DIP2C: variants seen among roughly 807,000 people sequenced by gnomAD.
DIP2C encodes disco-interacting protein 2 homolog C.
In DIP2C, 33 loss-of-function variants were observed where a neutral mutation model predicts 192.4. The ratio of observed to expected loss-of-function variants is 0.17; its 90% CI spans 0.13 to 0.23. The LOEUF (loss-of-function observed/expected upper bound fraction) is 0.23, where lower values mean the gene tolerates loss of function less well. Ranked by LOEUF, DIP2C falls within the 10% of genes least tolerant of loss-of-function variation. The pLI is 1.00. For synonymous variants in DIP2C, 979 were observed against 864.1 expected, an observed-to-expected ratio of 1.13 and a Z score of -2.33; for missense variants, 1,537 against 2,110.1, an observed-to-expected ratio of 0.73 and a Z score of 5.32.
intron 1 of DIP2C, among the ~76,000 whole-genome samples, chr10:574,514 C>A (rs1490190268): frequency 2.0e-5 from 3 of 152,002 alleles, no homozygotes; most frequent in African/African-American, 7.3e-5. Flanking sequence ...TAAATGGAAA[C>A]AGGGTACATG....
rs1460477712 is a variant in DIP2C at position 689,161 on chromosome 10, G to A, written c.85+333C>T. 2.0e-5 allele frequency among the ~76,000 whole-genome samples: 3 copies of A among 151,534 alleles called. No homozygotes were observed. Among genetic ancestry groups the A allele is most frequent in the Admixed American group, 6.6e-5 (1 of 15,234 alleles). On this transcript the variant is annotated intron_variant, in intron 1 of 36. Transcript: ENST00000280886. This position sits in a 1 kb window ranked among gnomAD's most constrained non-coding sequence, Gnocchi z 6.1. ...CCACAGACACCCCCAGGGCGCGGGG[G>A]GATCGCGGCCCCACAAACATCCCAG...
At chr10:669,030 T>C (rs1323210460) in intron 1 of DIP2C, 2 of 151,996 alleles carry the variant, frequency 1.3e-5, no homozygotes, top group African/African-American at 2.4e-5. Context: ...TTACTTTACA[T>C]GTAACCGCGG....
At chr10:443,446 G>C (rs1967907834) in intron 3 of DIP2C, among the ~76,000 whole-genome samples, 1 of 152,180 alleles carries the variant, frequency 6.6e-6, no homozygotes, top group Non-Finnish European at 1.5e-5. Context: ...CTTGGACCAG[G>C]GCTCCTGCTA....
At chr10:362,364 AACC>A (rs1387695824) in intron 22 of DIP2C, 123 bp downstream of exon 22, 42 of 1,106,498 alleles carry the variant, frequency 3.8e-5, no homozygotes, top group Non-Finnish European at 1.0e-5. Context: ...TTCTTGGGGT[AACC>A]ACTTCTTTCC....
chr10:378,578 T>C (rs745781603), intron 17 of DIP2C, among the ~76,000 whole-genome samples: 3 of 105,772 alleles, frequency 2.8e-5, no homozygotes, highest in Admixed American at 9.6e-5. Context: ...CATGCAGACA[T>C]GTGAACGCAG....
At chr10:414,133 G>A (rs761763621) in intron 7 of DIP2C, 23 bp from the exon 8 acceptor site, 10 of 1,596,364 alleles carry the variant, frequency 6.3e-6, no homozygotes, top group African/African-American at 4.0e-5. Context: ...AATACAAGAG[G>A]TTACAAGAGA....
At chr10:324,897 T>A (rs1479771086) in intron 31 of DIP2C, 2 of 529,730 alleles carry the variant, frequency 3.8e-6, no homozygotes, top group African/African-American at 1.9e-5. Flanking sequence ...TTTTCTTTCA[T>A]CTCCATGTTT....
intron 1 of DIP2C, among the ~76,000 whole-genome samples, chr10:568,543 G>A (rs561711616): frequency 2.4e-4 from 36 of 152,016 alleles, no homozygotes; most frequent in African/African-American, 6.5e-4. Flanking sequence ...CGAGACGGGC[G>A]GATCATGAGG....
Position 304,899 on chromosome 10 carries a change from G to C in DIP2C, c.3986+5132C>G, listed in dbSNP as rs528285676. ...AACACACACATGCACACTCATACTT[G>C]CATGTACTCGTGTGCACAAATATCT... On this transcript the variant is annotated intron_variant, in intron 32 of 36. Coordinates refer to ENST00000280886, the MANE Select transcript of DIP2C (RefSeq NM_014974.3). Among the ~76,000 whole-genome samples the C allele has an allele frequency of 1.6e-3, 250 of 151,978 alleles. 1 individual carries two copies. Among genetic ancestry groups the C allele is most frequent in the African/African-American group, 5.6e-3 (233 of 41,432 alleles).
At chr10:461,281 G>A (rs139966729) in intron 3 of DIP2C, among the ~76,000 whole-genome samples, 2,442 of 152,288 alleles carry the variant, frequency 0.016, 73 homozygotes, top group African/African-American at 0.056. Flanking sequence ...AAGACCCGTT[G>A]GTGTGCTGTA....
intron 17 of DIP2C, among the ~76,000 whole-genome samples, chr10:370,898 G>A (rs1018980979): frequency 4.6e-5 from 7 of 152,126 alleles, no homozygotes; most frequent in Non-Finnish European, 8.8e-5. Context: ...GAAGTAACTG[G>A]TGTATTGAAA....
At chr10:549,914 T>C (rs1259281941) in intron 1 of DIP2C, among the ~76,000 whole-genome samples, 1 of 151,886 alleles carries the variant, frequency 6.6e-6, no homozygotes, top group Non-Finnish European at 1.5e-5. Flanking sequence ...GAAGGGAGAC[T>C]GTGTCTCCAG....
intron 1 of DIP2C, among the ~76,000 whole-genome samples, chr10:519,097 T>G (rs542987935): frequency 2.7e-4 from 41 of 152,284 alleles, no homozygotes; most frequent in African/African-American, 9.9e-4. Flanking sequence ...CCCAAGGGCT[T>G]CCGATCCAGC....
intron 1 of DIP2C, among the ~76,000 whole-genome samples, chr10:586,756 G>A (rs967847988): frequency 5.9e-5 from 9 of 152,344 alleles, no homozygotes; most frequent in African/African-American, 1.9e-4. Flanking sequence ...CAGGTCCAGG[G>A]AACGTTCTGG....
chr10:664,579 T>C (rs1856972739), intron 1 of DIP2C: 1 of 152,234 alleles, frequency 6.6e-6, no homozygotes, highest in East Asian at 1.9e-4. Flanking sequence ...TATTGATCAT[T>C]GTTATATGTC....
At chr10:669,767 A>G (rs1857328509) in intron 1 of DIP2C, among the ~76,000 whole-genome samples, 1 of 152,230 alleles carries the variant, frequency 6.6e-6, no homozygotes, top group Non-Finnish European at 1.5e-5. Flanking sequence ...TAAATATGCA[A>G]AAGTGATCTG....
At chr10:629,206 G>A (rs1051297877) in intron 1 of DIP2C, among the ~76,000 whole-genome samples, 14 of 152,160 alleles carry the variant, frequency 9.2e-5, no homozygotes, top group African/African-American at 9.7e-5. Context: ...ACAGGGCTAC[G>A]GTAGCTACCT....
chr10:546,527 A>G (rs1390581531), intron 1 of DIP2C, among the ~76,000 whole-genome samples: 1 of 152,180 alleles, frequency 6.6e-6, no homozygotes. Flanking sequence ...CCCATGCTAT[A>G]TACAGTTAGG....
At chr10:586,173 GGAGA>G (rs1354895476) in intron 1 of DIP2C, among the ~76,000 whole-genome samples, 1 of 152,168 alleles carries the variant, frequency 6.6e-6, no homozygotes, top group East Asian at 1.9e-4. Context: ...AACTTCTCTG[GGAGA>G]GAGAATTAAA....
Sources: allele counts gnomAD v4.1 joint callset (sites outside exome capture counted in the v4.1 genomes callset), GRCh38; gene constraint gnomAD v4.1.1; non-coding constraint Gnocchi (gnomAD v3.1); transcripts MANE v1.5; gene names NCBI Gene and HGNC (gene_info 2026-07-23, HGNC 2026-07-21).